The following DOCK8 variants were observed in gnomAD, a reference collection of about 807,000 sequenced individuals.
DOCK8 encodes dedicator of cytokinesis protein 8.
Under a neutral mutation model 245.6 loss-of-function variants are expected in DOCK8, and 141 were observed. The observed-to-expected ratio is 0.57, with a 90% CI of 0.50 to 0.66. The LOEUF is 0.66. Among genes scored for constraint, DOCK8 ranks in the 30% least tolerant of loss-of-function variants. DOCK8 has a pLI of 0.00. For synonymous variants in DOCK8, 1,168 were observed against 970.2 expected, an observed-to-expected ratio of 1.20 and a Z score of -3.79; for missense variants, 2,965 against 2,603.4, an observed-to-expected ratio of 1.14 and a Z score of -3.02.
intron 1 of DOCK8, among the ~76,000 whole-genome samples, chr9:263,563 A>G (rs998736552): frequency 2.0e-5 from 3 of 152,182 alleles, no homozygotes; most frequent in Non-Finnish European, 2.9e-5. Flanking sequence ...TGCTTTCAGC[A>G]CTTCTGTGTT....
At chr9:282,805 C>T (rs2048648384) in intron 2 of DOCK8, among the ~76,000 whole-genome samples, 1 of 152,160 alleles carries the variant, frequency 6.6e-6, no homozygotes, top group South Asian at 2.1e-4. Flanking sequence ...CTCCATGAGG[C>T]TTCTACTCAC....
chr9:388,096 A>G (rs766100585), intron 23 of DOCK8, among the ~76,000 whole-genome samples: 32 of 152,324 alleles, frequency 2.1e-4, no homozygotes, highest in Non-Finnish European at 3.5e-4. Flanking sequence ...TCTTCTTGCC[A>G]TAAGACCCTG....
chr9:375,933 G>A (rs1372110562), intron 18 of DOCK8, among the ~76,000 whole-genome samples: 1 of 152,208 alleles, frequency 6.6e-6, no homozygotes, highest in African/African-American at 2.4e-5. Context: ...GGAGGTCGAG[G>A]CTGCAGTGAA....
In DOCK8 at chr9:421,089, C is replaced by G. The variant is rs1346012670; in HGVS notation, c.4153+11C>G. The G allele has an allele frequency of 1.2e-6, 2 of 1,613,820 alleles. No homozygotes were observed. The highest frequency in any genetic ancestry group is 2.2e-5 in the East Asian group (1 of 44,876). ...GCCGCCGGGCTCCAGGTGTGTTGGACTGGCCCTTCCCTGCTCTCTGTCAAG... is the reference window on the plus strand; with the variant it reads ...GCCGCCGGGCTCCAGGTGTGTTGGAGTGGCCCTTCCCTGCTCTCTGTCAAG... On this transcript the variant is annotated intron_variant, in intron 32 of 47. Coordinates refer to ENST00000432829, the MANE Select transcript of DOCK8 (RefSeq NM_203447.4).
At position 390,497 on chromosome 9, in the gene DOCK8, G is replaced by C; in HGVS notation, c.2901G>C (p.Gln967His). ...ATTTCCATGAGGAGCTTGCCCTTCA[G>C]ATGGTGGTCAGCACCGGAATGGTGA... ...KKHFHEELAL[Q>H]MVVSTGMVRE... The change falls in exon 24 of 48, where the codon CAG becomes CAC. Residue 967 changes from glutamine (Q) to histidine (H), a missense_variant. Coordinates refer to ENST00000432829, the MANE Select transcript of DOCK8 (RefSeq NM_203447.4). The C allele has an allele frequency of 6.2e-7, 1 of 1,614,214 alleles. No individual in the cohort carries two copies. Among genetic ancestry groups the C allele is most frequent in the Non-Finnish European group, 8.5e-7 (1 of 1,180,020 alleles).
At chr9:458,676 A>G (rs553572391) in intron 46 of DOCK8, among the ~76,000 whole-genome samples, 52 of 152,158 alleles carry the variant, frequency 3.4e-4, no homozygotes, top group Non-Finnish European at 6.5e-4. Context: ...AACCGGGTGT[A>G]GTGGCGTGCC....
intron 28 of DOCK8, 50 bp from the exon 29 acceptor site, chr9:414,732 A>T (rs754180391): frequency 1.2e-5 from 19 of 1,611,628 alleles, no homozygotes; most frequent in Non-Finnish European, 8.5e-7. Flanking sequence ...AGAGCTCTTT[A>T]GTCAATTTCC....
chr9:294,347 A>G (rs1586622192), intron 4 of DOCK8, among the ~76,000 whole-genome samples: 4 of 152,208 alleles, frequency 2.6e-5, no homozygotes. Flanking sequence ...GGTACTGCCA[A>G]ATTCTTCTCC....
intron 18 of DOCK8, among the ~76,000 whole-genome samples, chr9:372,695 TA>T (rs1434758111): frequency 6.6e-6 from 1 of 152,184 alleles, no homozygotes; most frequent in Non-Finnish European, 1.5e-5. Context: ...CCAAGGTATT[TA>T]TTCTCCTACC....
intron 14 of DOCK8, among the ~76,000 whole-genome samples, chr9:358,623 C>T (rs1052494687): frequency 5.4e-5 from 8 of 148,596 alleles, no homozygotes; most frequent in Admixed American, 1.3e-4. Flanking sequence ...CCGAGGTGGG[C>T]GGATCACTTG....
chr9:278,245 C>G (rs191065598), intron 2 of DOCK8, among the ~76,000 whole-genome samples: 8 of 152,344 alleles, frequency 5.3e-5, no homozygotes, highest in Admixed American at 4.6e-4. Flanking sequence ...GCATCTCCCT[C>G]TTAGTGGCAT....
intron 15 of DOCK8, 76 bp downstream of exon 15, chr9:368,211 T>A: frequency 8.2e-7 from 1 of 1,225,448 alleles, no homozygotes; most frequent in East Asian, 2.3e-5. Context: ...AGTCCGGGAC[T>A]CATCAGTGTA....
At chr9:294,670 T>C (rs1003236391) in intron 4 of DOCK8, among the ~76,000 whole-genome samples, 1 of 152,216 alleles carries the variant, frequency 6.6e-6, no homozygotes, top group Admixed American at 6.5e-5. Flanking sequence ...TTATTTGTAA[T>C]TGCCAAGACT....
chr9:316,588 TGGTTTAC>T lies in DOCK8; in HGVS notation c.742-454_742-448del, dbSNP rs558837898. On this transcript the variant is annotated intron_variant, in intron 6 of 47. Coordinates refer to ENST00000432829, the MANE Select transcript of DOCK8 (RefSeq NM_203447.4). ...AAGTGACTCTGTATTATAGGATCAATGGTTTACAGCCTTAAGTGAACCATTCTGACTC... is the reference window on the plus strand; with the variant it reads ...AAGTGACTCTGTATTATAGGATCAATAGCCTTAAGTGAACCATTCTGACTC... 2.8e-3 allele frequency among the ~76,000 whole-genome samples: 433 copies of T among 152,342 alleles called. 2 individuals carry two copies. The highest frequency in any genetic ancestry group is 3.8e-3 in the Non-Finnish European group (259 of 68,040).
chr9:319,981 A>G lies in DOCK8; in HGVS notation c.827+2853A>G, dbSNP rs376806676. ...AGATTTTGGAGGACCTTCCATAACA[A>G]TCTCCCTCAAGAGATTCTGGTTGAG... On this transcript the variant is annotated intron_variant, in intron 7 of 47. Coordinates refer to ENST00000432829, the MANE Select transcript of DOCK8 (RefSeq NM_203447.4). Among the ~76,000 whole-genome samples, 12 of 152,334 alleles carry G rather than the reference A, an allele frequency of 7.9e-5. No homozygotes were observed. The East Asian group carries it at 1.3e-3, about 17-fold the overall frequency.
At position 392,697 on chromosome 9, in the gene DOCK8, G is replaced by A. The variant is rs183823124; in HGVS notation, c.2970+2131G>A. 1.4e-3 allele frequency among the ~76,000 whole-genome samples: 208 copies of A among 152,104 alleles called. 1 individual carries two copies. Among genetic ancestry groups the A allele is most frequent in the Middle Eastern group, 3.4e-3 (1 of 294 alleles). On this transcript the variant is annotated intron_variant, in intron 24 of 47. Coordinates refer to ENST00000432829, the MANE Select transcript of DOCK8 (RefSeq NM_203447.4). Reference sequence around the variant, plus strand: ...TTCCAAAAGCCGAGCTAATTAAGGTGGTGGCTGCAGCTCACAAGTCTTGGG... The same window carrying A: ...TTCCAAAAGCCGAGCTAATTAAGGTAGTGGCTGCAGCTCACAAGTCTTGGG...
intron 1 of DOCK8, among the ~76,000 whole-genome samples, chr9:257,054 A>T (rs555721144): frequency 6.6e-6 from 1 of 152,338 alleles, no homozygotes; most frequent in Admixed American, 6.5e-5. Flanking sequence ...CTTAAAGTAA[A>T]TAACAGTCAA....
intron 25 of DOCK8, among the ~76,000 whole-genome samples, chr9:398,766 CAGTA>C (rs372908150): frequency 6.2e-4 from 92 of 149,570 alleles, no homozygotes; most frequent in African/African-American, 2.2e-3. Context: ...TCATTGAAAA[CAGTA>C]AGTATTTTTC....
At chr9:214,620 GCGCAGTGGTCGCCTGTCGTCCGCC>G (rs754887468), upstream of DOCK8, 2 of 1,613,504 alleles carry the variant, frequency 1.2e-6, no homozygotes, top group Middle Eastern at 1.7e-4. Context: ...TCCGGCCTGC[GCGCAGTGGTCGCCTGTCGTCCGCC>G]CGCGCTCCCT....
Sources: gnomAD v4.1 joint callset for allele counts (sites outside exome capture counted in the v4.1 genomes callset) on GRCh38, gnomAD v4.1.1 for gene constraint, MANE v1.5 for transcripts, NCBI Gene and HGNC (gene_info 2026-07-23, HGNC 2026-07-21) for gene names.